The following LRRC37A variants were observed in gnomAD, a reference collection of about 807,000 sequenced individuals.
The protein encoded by LRRC37A is leucine rich repeat containing 37A, also known as leucine-rich repeat-containing protein 37A.
In LRRC37A, 3 loss-of-function variants were observed where a neutral mutation model predicts 35.4. The observed-to-expected ratio is 0.08, with a 90% CI of 0.04 to 0.22. The LOEUF (loss-of-function observed/expected upper bound fraction) is 0.22, where lower values mean the gene tolerates loss of function less well. LRRC37A is among the 10% of genes least tolerant of loss of function. LRRC37A has a pLI of 1.00. For synonymous variants in LRRC37A, 23 were observed against 215.0 expected (o/e 0.11, Z 7.81); for missense variants, 67 against 565.3 (o/e 0.12, Z 8.94).
At chr17:46,266,919 C>G in the LRRC37A span, 2 of 234,024 alleles carry the variant, frequency 8.5e-6, no homozygotes, top group African/African-American at 4.7e-5. Context: ...CTACGCTTCC[C>G]CGCCGCCCGG....
chr17:46,281,902 C>T, the LRRC37A span, among the ~76,000 whole-genome samples: 1 of 152,192 alleles, frequency 6.6e-6, no homozygotes, highest in African/African-American at 2.4e-5. Context: ...CCTCGGCCTC[C>T]CAAAGTGCTG....
At chr17:46,270,648 C>T in the LRRC37A span, among the ~76,000 whole-genome samples, 3 of 152,244 alleles carry the variant, frequency 2.0e-5, no homozygotes, top group Non-Finnish European at 4.4e-5. Flanking sequence ...GTGACTCACA[C>T]CTGTAATCCC....
the LRRC37A span, among the ~76,000 whole-genome samples, chr17:46,255,324 C>A: frequency 2.0e-5 from 3 of 150,916 alleles, no homozygotes; most frequent in African/African-American, 7.3e-5. Context: ...TGGAAGGCGG[C>A]TACTATTATG....
At chr17:46,261,228 GAA>G in the LRRC37A span, among the ~76,000 whole-genome samples, 1 of 151,600 alleles carries the variant, frequency 6.6e-6, no homozygotes, top group Non-Finnish European at 1.5e-5. Context: ...TTTTTTTTTA[GAA>G]AAAGAGTTCG....
At chr17:46,281,336 C>T in the LRRC37A span, among the ~76,000 whole-genome samples, 1 of 151,746 alleles carries the variant, frequency 6.6e-6, no homozygotes, top group African/African-American at 2.4e-5. Flanking sequence ...TGAATTTATT[C>T]TGCTAGAATT....
chr17:46,271,164 C>CTTTT, the LRRC37A span, among the ~76,000 whole-genome samples: 3 of 121,290 alleles, frequency 2.5e-5, no homozygotes, highest in South Asian at 2.5e-4. Flanking sequence ...GTAATAGTTT[C>CTTTT]TTTTTTTTTT....
chr17:46,289,939 T>C (rs1432763702), upstream of LRRC37A, among the ~76,000 whole-genome samples: 3 of 152,172 alleles, frequency 2.0e-5, no homozygotes, highest in Admixed American at 6.5e-5. Context: ...GGCCACATGG[T>C]GAAACCCCAT....
the LRRC37A span, among the ~76,000 whole-genome samples, chr17:46,262,789 A>G: frequency 9.3e-6 from 1 of 107,656 alleles, no homozygotes; most frequent in Non-Finnish European, 2.5e-5. Context: ...CGGTCTTGGA[A>G]AAAAAAAAAA....
At chr17:46,250,903 TCCTCTC>T in the LRRC37A span, among the ~76,000 whole-genome samples, 1 of 112,458 alleles carries the variant, frequency 8.9e-6, no homozygotes, top group Non-Finnish European at 2.4e-5. Context: ...CTCTTCCTCT[TCCTCTC>T]CTTCCTCTTC....
chr17:46,289,344 CT>C (rs1028918590), upstream of LRRC37A, among the ~76,000 whole-genome samples: 14 of 149,908 alleles, frequency 9.3e-5, no homozygotes, highest in African/African-American at 2.0e-4. Flanking sequence ...TGCCCAGCTA[CT>C]TTTTTTTTTG....
chr17:46,254,354 T>C, the LRRC37A span, among the ~76,000 whole-genome samples: 2 of 128,824 alleles, frequency 1.6e-5, no homozygotes, highest in Admixed American at 8.0e-5. Context: ...GAAATACTAT[T>C]ATGGTTTTAT....
chr17:46,315,186 A>C (rs1461629843), intron 5 of LRRC37A, among the ~76,000 whole-genome samples: 1 of 76,698 alleles, frequency 1.3e-5, no homozygotes, highest in East Asian at 2.5e-4. Context: ...TATGTCTCTA[A>C]GAACAATAGT....
chr17:46,268,627 A>G, the LRRC37A span: 1 of 1,556,520 alleles, frequency 6.4e-7, no homozygotes, highest in Non-Finnish European at 8.7e-7. Flanking sequence ...AGCAGCAGCT[A>G]TGTGAAAAGG....
At chr17:46,266,912 C>G in the LRRC37A span, 3 of 269,660 alleles carry the variant, frequency 1.1e-5, no homozygotes, top group Non-Finnish European at 1.3e-5. Flanking sequence ...ACGGGCCCTA[C>G]GCTTCCCCGC....
At chr17:46,263,278 G>C in the LRRC37A span, among the ~76,000 whole-genome samples, 1 of 152,020 alleles carries the variant, frequency 6.6e-6, no homozygotes, top group South Asian at 2.1e-4. Context: ...GGAGCCCGGT[G>C]CAGTGGCTCA....
At chr17:46,306,557 AC>A (rs1394415097) in intron 5 of LRRC37A, among the ~76,000 whole-genome samples, 1 of 61,226 alleles carries the variant, frequency 1.6e-5, no homozygotes, top group African/African-American at 4.1e-5. Context: ...CAAAGAAGTG[AC>A]CCTCAAATTA....
chr17:46,317,455 T>C (rs1350993323), intron 5 of LRRC37A, among the ~76,000 whole-genome samples: 869 of 62,308 alleles, frequency 0.014, 189 homozygotes, highest in Middle Eastern at 0.079. Context: ...TTGATTACAG[T>C]ATGTTTAGAT....
At chr17:46,259,017 C>CTTTTT in the LRRC37A span, among the ~76,000 whole-genome samples, 5 of 25,012 alleles carry the variant, frequency 2.0e-4, no homozygotes, top group South Asian at 1.2e-3. Context: ...CGCACCCGGC[C>CTTTTT]TATTTTTTTT....
the LRRC37A span, chr17:46,268,532 C>G: frequency 6.9e-7 from 1 of 1,453,822 alleles, no homozygotes; most frequent in South Asian, 1.5e-5. Flanking sequence ...TGGGCCACAT[C>G]TACCATAAGA....
Sources: allele counts gnomAD v4.1 joint callset (sites outside exome capture counted in the v4.1 genomes callset), GRCh38; gene constraint gnomAD v4.1.1; transcripts MANE v1.5; gene names NCBI Gene and HGNC (gene_info 2026-07-23, HGNC 2026-07-21).